VAT1L: variants seen among roughly 807,000 people sequenced by gnomAD.
The protein encoded by VAT1L is vesicle amine transport 1 like, also known as putative NADPH-dependent quinone oxidoreductase VAT1L.
A neutral mutation model predicts 44.1 loss-of-function variants in VAT1L; 34 were observed. The observed-to-expected ratio is 0.77, with a 90% confidence interval of 0.59 to 1.03. VAT1L has a LOEUF of 1.03. Ranked by LOEUF, VAT1L falls within the 50% of genes least tolerant of loss-of-function variation. The pLI, the probability that VAT1L is intolerant of heterozygous loss-of-function variation, is 0.00. For missense variants in VAT1L, 615 were observed against 538.8 expected (o/e 1.14, Z -1.40); for synonymous variants, 253 against 202.2 (o/e 1.25, Z -2.13).
intron 7 of VAT1L, among the ~76,000 whole-genome samples, chr16:77,889,012 C>T (rs938237513): frequency 7.9e-5 from 12 of 152,196 alleles, no homozygotes; most frequent in African/African-American, 1.7e-4. Flanking sequence ...TCGGACCAAA[C>T]GTGGCTGTTT....
At chr16:77,807,782 G>A (rs2016190560) in intron 1 of VAT1L, among the ~76,000 whole-genome samples, 1 of 152,108 alleles carries the variant, frequency 6.6e-6, no homozygotes, top group Non-Finnish European at 1.5e-5. Context: ...CCGTAAGGTG[G>A]TTGTGTTACT....
chr16:77,859,782 A>C (rs1169287675), intron 3 of VAT1L, among the ~76,000 whole-genome samples: 1 of 152,344 alleles, frequency 6.6e-6, no homozygotes, highest in Non-Finnish European at 1.5e-5. Flanking sequence ...GATGCTGCCC[A>C]GATTCCTGGC....
At chr16:77,846,753 C>T (rs2016761577) in intron 3 of VAT1L, among the ~76,000 whole-genome samples, 1 of 152,140 alleles carries the variant, frequency 6.6e-6, no homozygotes, top group Non-Finnish European at 1.5e-5. Flanking sequence ...ATTCCATAGT[C>T]ATTCAAAATG....
At chr16:77,790,421 A>G (rs2015812252) in intron 1 of VAT1L, among the ~76,000 whole-genome samples, 1 of 152,054 alleles carries the variant, frequency 6.6e-6, no homozygotes, top group South Asian at 2.1e-4. Flanking sequence ...CCCACCCCAC[A>G]CTGTTTGGCC....
Position 77,930,802 on chromosome 16 carries a change from A to G in VAT1L, c.1078-41048A>G, listed in dbSNP as rs781224728. Among the ~76,000 whole-genome samples the G allele has an allele frequency of 1.1e-4, 16 of 152,146 alleles. 1 individual carries two copies. The highest frequency in any genetic ancestry group is 2.1e-4 in the Non-Finnish European group (14 of 68,026). On this transcript the variant is annotated intron_variant, in intron 7 of 8. Coordinates refer to ENST00000302536, the MANE Select transcript of VAT1L (RefSeq NM_020927.3). ...GAGAACACTGTTCTCTCTCCTACCCAGTGTGTTTGTCATTCTGGAAAGAGC... is the reference window on the plus strand; with the variant it reads ...GAGAACACTGTTCTCTCTCCTACCCGGTGTGTTTGTCATTCTGGAAAGAGC...
At chr16:77,816,843 A>T in intron 1 of VAT1L, 78 bp from the exon 2 acceptor site, 6 of 1,482,054 alleles carry the variant, frequency 4.0e-6, no homozygotes, top group Middle Eastern at 1.9e-4. Flanking sequence ...AAAAGAAAAG[A>T]AAGAAAAGAA....
intron 7 of VAT1L, among the ~76,000 whole-genome samples, chr16:77,933,840 T>C (rs1347835325): frequency 6.6e-6 from 1 of 152,200 alleles, no homozygotes; most frequent in African/African-American, 2.4e-5. Context: ...AGTAGTCAGA[T>C]GGCACATAGC....
At position 77,893,861 on chromosome 16, in the gene VAT1L, T is replaced by C. The variant is rs1362806070; in HGVS notation, c.1077+9059T>C. Among the ~76,000 whole-genome samples, 7 of 152,302 alleles carry C rather than the reference T, an allele frequency of 4.6e-5. No homozygotes were observed. The East Asian group carries it at 5.8e-4, about 13-fold the overall frequency. ...TGGAAAGGTATAATGAATAAACTCA[T>C]TGAAGAATGAGCAAAATAATGCTAC... On this transcript the variant is annotated intron_variant, in intron 7 of 8. Transcript: ENST00000302536.
At chr16:77,799,376 T>A (rs2015999728) in intron 1 of VAT1L, among the ~76,000 whole-genome samples, 1 of 151,824 alleles carries the variant, frequency 6.6e-6, no homozygotes, top group South Asian at 2.1e-4. Context: ...TGCCTCCCTC[T>A]CTCTCCTCTT....
chr16:77,824,843 T>C (rs1394719436), intron 2 of VAT1L, among the ~76,000 whole-genome samples: 1 of 148,424 alleles, frequency 6.7e-6, no homozygotes, highest in African/African-American at 2.5e-5. Context: ...GTTTGTACCG[T>C]GGATAGCTCC....
At chr16:77,827,274 G>C (rs924447596) in intron 3 of VAT1L, among the ~76,000 whole-genome samples, 1 of 152,170 alleles carries the variant, frequency 6.6e-6, no homozygotes, top group Admixed American at 6.5e-5. Flanking sequence ...TTAGAGACTT[G>C]TAGTCATACT....
At chr16:77,944,237 C>T (rs1442609231) in intron 7 of VAT1L, among the ~76,000 whole-genome samples, 1 of 152,118 alleles carries the variant, frequency 6.6e-6, no homozygotes, top group South Asian at 2.1e-4. Flanking sequence ...ATAAAAAACC[C>T]TGCTCTAAGG....
At chr16:77,961,180 A>G (rs529398144) in intron 7 of VAT1L, among the ~76,000 whole-genome samples, 1 of 152,180 alleles carries the variant, frequency 6.6e-6, no homozygotes, top group African/African-American at 2.4e-5. Context: ...TTGAGGAACA[A>G]GAGTCTTTGT....
rs1053853588 is a variant in VAT1L, at chr16:77,914,314, G to C, written c.1077+29512G>C. Among the ~76,000 whole-genome samples, 27 of 152,136 alleles carry C rather than the reference G, an allele frequency of 1.8e-4. 1 individual carries two copies. The highest frequency in any genetic ancestry group is 5.9e-5 in the Non-Finnish European group (4 of 68,036). ...TTCTCATTTGGCTATCTATGCTTTT[G>C]AGGTTGTATGCATTCATTGTACCTG... On this transcript the variant is annotated intron_variant, in intron 7 of 8. Coordinates refer to ENST00000302536, the MANE Select transcript of VAT1L (RefSeq NM_020927.3).
chr16:77,844,090 T>TAC (rs897872934), intron 3 of VAT1L, among the ~76,000 whole-genome samples: 9 of 152,098 alleles, frequency 5.9e-5, no homozygotes, highest in African/African-American at 9.7e-5. Flanking sequence ...AGCAAATATA[T>TAC]ACACACACAC....
At chr16:77,970,805 C>T (rs754384898) in intron 7 of VAT1L, among the ~76,000 whole-genome samples, 2 of 152,130 alleles carry the variant, frequency 1.3e-5, no homozygotes, top group Non-Finnish European at 2.9e-5. Context: ...TAGAAGTCTT[C>T]GGTTTTCATA....
At chr16:77,830,930 C>T (rs1471064486) in intron 3 of VAT1L, among the ~76,000 whole-genome samples, 4 of 152,300 alleles carry the variant, frequency 2.6e-5, no homozygotes, top group Admixed American at 2.0e-4. Flanking sequence ...GTGATCTGCC[C>T]GCCTCGGCCT....
chr16:77,885,758 G>T (rs553516637), intron 7 of VAT1L, among the ~76,000 whole-genome samples: 1 of 152,038 alleles, frequency 6.6e-6, no homozygotes, highest in Non-Finnish European at 1.5e-5. Context: ...AGTTCTAGTG[G>T]GTGTGCTTCT....
rs1011886959 is a variant in VAT1L at position 77,966,120 on chromosome 16, A to G, written c.1078-5730A>G. On this transcript the variant is annotated intron_variant, in intron 7 of 8. Coordinates refer to ENST00000302536, the MANE Select transcript of VAT1L (RefSeq NM_020927.3). Reference sequence around the variant, plus strand: ...TTGGATATATTTGGTTAAAGAAAATATCTCAAAATTAATTTCACCAGTTTC... The same window carrying G: ...TTGGATATATTTGGTTAAAGAAAATGTCTCAAAATTAATTTCACCAGTTTC... Among the ~76,000 whole-genome samples the G allele has an allele frequency of 1.1e-4, 17 of 152,350 alleles. 1 individual carries two copies. The highest frequency in any genetic ancestry group is 4.1e-4 in the African/African-American group (17 of 41,574).
Sources: gnomAD v4.1 joint callset for allele counts (sites outside exome capture counted in the v4.1 genomes callset) on GRCh38, gnomAD v4.1.1 for gene constraint, MANE v1.5 for transcripts, NCBI Gene and HGNC (gene_info 2026-07-23, HGNC 2026-07-21) for gene names.